The following SUCLG2 variants were observed in gnomAD, a reference collection of about 807,000 sequenced individuals.
SUCLG2 encodes succinate-CoA ligase GDP-forming subunit beta.
A neutral mutation model predicts 47.9 loss-of-function variants in SUCLG2; 42 were observed. The ratio of observed to expected loss-of-function variants is 0.88; its 90% confidence interval spans 0.69 to 1.14. The LOEUF (loss-of-function observed/expected upper bound fraction) is 1.14, where lower values mean the gene tolerates loss of function less well. Ranked by LOEUF, SUCLG2 falls within the 50% of genes most tolerant of loss-of-function variation. SUCLG2 has a pLI of 0.00. For missense variants in SUCLG2, 571 were observed against 525.9 expected (o/e 1.09, Z -0.84); for synonymous variants, 195 against 197.3 (o/e 0.99, Z 0.10).
At chr3:67,366,460 T>C (rs950670655) in intron 10 of SUCLG2, among the ~76,000 whole-genome samples, 3 of 152,230 alleles carry the variant, frequency 2.0e-5, no homozygotes, top group Non-Finnish European at 4.4e-5. Context: ...ATTCCTTGAG[T>C]AGAGATTTTG....
intron 10 of SUCLG2, among the ~76,000 whole-genome samples, chr3:67,376,758 T>G (rs951349232): frequency 6.6e-6 from 1 of 152,166 alleles, no homozygotes; most frequent in African/African-American, 2.4e-5. Flanking sequence ...CAGCACTGAT[T>G]CCCCTGGGAC....
intron 7 of SUCLG2, among the ~76,000 whole-genome samples, chr3:67,506,857 T>C (rs570056233): frequency 5.1e-4 from 78 of 152,374 alleles, no homozygotes; most frequent in Admixed American, 1.2e-3. Context: ...CTAGGTCATG[T>C]ACGTGAAAGC....
At chr3:67,402,948 GGA>G (rs1366968226) in intron 9 of SUCLG2, among the ~76,000 whole-genome samples, 1 of 152,180 alleles carries the variant, frequency 6.6e-6, no homozygotes, top group African/African-American at 2.4e-5. Flanking sequence ...GGAGCAAAAA[GGA>G]GAGAAGGGGC....
chr3:67,466,113 G>C (rs920863048), intron 9 of SUCLG2, among the ~76,000 whole-genome samples: 3 of 152,112 alleles, frequency 2.0e-5, no homozygotes, highest in Admixed American at 1.3e-4. Flanking sequence ...AGCACTTTGG[G>C]AGGCTGAGGC....
intron 2 of SUCLG2, among the ~76,000 whole-genome samples, chr3:67,608,346 A>C (rs1342909672): frequency 2.0e-5 from 3 of 152,202 alleles, no homozygotes; most frequent in Non-Finnish European, 4.4e-5. Context: ...TCTCTGAAAA[A>C]TTACCATGAA....
At position 67,639,781 on chromosome 3, in the gene SUCLG2, T is replaced by A. The variant is rs1456580970; in HGVS notation, c.84+14722A>T. On this transcript the variant is annotated intron_variant, in intron 1 of 10. Transcript: ENST00000307227. The stretch of plus-strand genomic sequence containing the variant: ...AACCCCTTTGAGTTTTTCCTGAGAA[T>A]GCCTCCCCGAAAAGCCACTTTCACA... Among the ~76,000 whole-genome samples, 4 of 152,232 alleles carry A rather than the reference T, an allele frequency of 2.6e-5. No homozygotes were observed. The East Asian group carries it at 7.7e-4, about 29-fold the overall frequency.
At position 67,419,448 on chromosome 3, in the gene SUCLG2, C is replaced by G. The variant is rs188476191; in HGVS notation, c.1063-18597G>C. Among the ~76,000 whole-genome samples, 30 of 152,238 alleles carry G rather than the reference C, an allele frequency of 2.0e-4. 1 individual carries two copies. Among genetic ancestry groups the G allele is most frequent in the Admixed American group, 1.8e-3 (28 of 15,290 alleles). On this transcript the variant is annotated intron_variant, in intron 9 of 10. Coordinates refer to ENST00000307227, the MANE Select transcript of SUCLG2 (RefSeq NM_003848.4). Reference sequence around the variant, plus strand: ...CTGACTCTGGCTCTGAGAAATGTAACTAAAATCATGAACCATAATATTAAC... The same window carrying G: ...CTGACTCTGGCTCTGAGAAATGTAAGTAAAATCATGAACCATAATATTAAC...
At chr3:67,424,441 T>C (rs544627895) in intron 9 of SUCLG2, among the ~76,000 whole-genome samples, 22 of 152,258 alleles carry the variant, frequency 1.4e-4, no homozygotes, top group Admixed American at 7.2e-4. Context: ...GGATGATGCA[T>C]TGGAACTGTT....
intron 2 of SUCLG2, among the ~76,000 whole-genome samples, chr3:67,594,863 ATTT>A (rs781074824): frequency 4.6e-5 from 7 of 152,210 alleles, no homozygotes; most frequent in Non-Finnish European, 7.3e-5. Flanking sequence ...AAGGGGTTTG[ATTT>A]TTTAAGAGTT....
intron 2 of SUCLG2, among the ~76,000 whole-genome samples, chr3:67,586,007 C>T: frequency 7.0e-6 from 1 of 143,352 alleles, no homozygotes; most frequent in Admixed American, 7.0e-5. Flanking sequence ...CCCACAAAGA[C>T]TCCTGCTTTA....
chr3:67,388,736 G>A (rs1702311986), intron 10 of SUCLG2, among the ~76,000 whole-genome samples: 1 of 152,132 alleles, frequency 6.6e-6, no homozygotes, highest in African/African-American at 2.4e-5. Context: ...GTGTAGCTCT[G>A]CTCACTTTCA....
chr3:67,420,704 C>T (rs575529812), intron 9 of SUCLG2, among the ~76,000 whole-genome samples: 1 of 151,944 alleles, frequency 6.6e-6, no homozygotes, highest in South Asian at 2.1e-4. Context: ...AAAAACAATC[C>T]TCCATTAGGC....
intron 1 of SUCLG2, among the ~76,000 whole-genome samples, chr3:67,637,801 T>C (rs1370060898): frequency 6.6e-6 from 1 of 152,204 alleles, no homozygotes; most frequent in East Asian, 1.9e-4. Context: ...CAGTAACTTT[T>C]GATCCATGTA....
chr3:67,371,558 G>A (rs1190217601), downstream of SUCLG2, among the ~76,000 whole-genome samples: 1 of 152,164 alleles, frequency 6.6e-6, no homozygotes, highest in African/African-American at 2.4e-5. Flanking sequence ...CTTGCCTTAT[G>A]CCTTGTGCAA....
chr3:67,521,308 A>G (rs1648854039), intron 4 of SUCLG2, among the ~76,000 whole-genome samples: 1 of 152,208 alleles, frequency 6.6e-6, no homozygotes, highest in African/African-American at 2.4e-5. Flanking sequence ...CGTGATAACT[A>G]GAAAAAGGCA....
chr3:67,537,843 G>A (rs1473193453), intron 2 of SUCLG2, among the ~76,000 whole-genome samples: 1 of 152,092 alleles, frequency 6.6e-6, no homozygotes, highest in Admixed American at 6.5e-5. Context: ...TTTTTTTCAT[G>A]TTTGTTGGCC....
chr3:67,418,886 T>A (rs1318797459), intron 9 of SUCLG2, among the ~76,000 whole-genome samples: 1 of 152,110 alleles, frequency 6.6e-6, no homozygotes, highest in East Asian at 1.9e-4. Context: ...GAGAGAGAAT[T>A]ATCTAGTCGG....
intron 1 of SUCLG2, among the ~76,000 whole-genome samples, chr3:67,643,474 T>G (rs1310654456): frequency 6.6e-6 from 1 of 152,214 alleles, no homozygotes; most frequent in African/African-American, 2.4e-5. Context: ...GAAAACTGGT[T>G]TGCTTTATGG....
intron 9 of SUCLG2, among the ~76,000 whole-genome samples, chr3:67,460,830 G>C (rs1704313002): frequency 6.6e-6 from 1 of 152,132 alleles, no homozygotes; most frequent in Admixed American, 6.5e-5. Context: ...CAGTAAAGAA[G>C]AGAGTAAAAA....
Sources: allele counts gnomAD v4.1 joint callset (sites outside exome capture counted in the v4.1 genomes callset), GRCh38; gene constraint gnomAD v4.1.1; transcripts MANE v1.5; gene names NCBI Gene and HGNC (gene_info 2026-07-23, HGNC 2026-07-21).